TPO: variants seen among roughly 807,000 people sequenced by gnomAD.
The protein encoded by TPO is thyroid microsomal antigen.
Under a neutral mutation model 96.9 loss-of-function variants are expected in TPO, and 78 were observed. The ratio of observed to expected loss-of-function variants is 0.81; its 90% CI spans 0.67 to 0.97. TPO has a LOEUF of 0.97. Among genes scored for constraint, TPO ranks in the 50% least tolerant of loss-of-function variants. The pLI is 0.00. For synonymous variants in TPO, 547 were observed against 538.0 expected (o/e 1.02, Z -0.23); for missense variants, 1,252 against 1,274.8 (o/e 0.98, Z 0.27).
intron 1 of TPO, among the ~76,000 whole-genome samples, chr2:1,400,686 G>A (rs770860499): frequency 1.6e-4 from 24 of 147,360 alleles, no homozygotes; most frequent in African/African-American, 4.8e-4. Context: ...AAATGAAAAC[G>A]TAAATTTCCT....
chr2:1,415,252 T>A (rs1398809207), intron 2 of TPO, among the ~76,000 whole-genome samples: 1 of 141,258 alleles, frequency 7.1e-6, no homozygotes, highest in Non-Finnish European at 1.5e-5. Flanking sequence ...GGCAGGTCCC[T>A]GGGCCTCTGG....
At chr2:1,538,875 ACATC>A (rs1237792269) in intron 15 of TPO, among the ~76,000 whole-genome samples, 1 of 152,218 alleles carries the variant, frequency 6.6e-6, no homozygotes, top group Admixed American at 6.5e-5. Flanking sequence ...TGCGCCTTGC[ACATC>A]CAGCCTTTGG....
At position 1,534,496 on chromosome 2, in the gene TPO, ACG is replaced by A. The variant is rs1558433045; in HGVS notation, c.2619-6096_2619-6095del. 6.3e-3 allele frequency among the ~76,000 whole-genome samples: 133 copies of A among 21,104 alleles called. 5 individuals carry two copies. The highest frequency in any genetic ancestry group is 9.2e-3 in the South Asian group (4 of 436). The allele number at this position is 21,104 out of a possible 152,430, so 13.8% of individuals were successfully genotyped here. ...TCTGTGCAAACTCCCCAAACCCCCC[ACG>A]CAGTGTGCAACTTCCCCAAATCCCT... On this transcript the variant is annotated intron_variant, in intron 15 of 16. Coordinates refer to ENST00000329066, the MANE Select transcript of TPO (RefSeq NM_001206744.2).
chr2:1,491,818 G>C (rs1250693655), intron 10 of TPO, among the ~76,000 whole-genome samples: 1 of 152,212 alleles, frequency 6.6e-6, no homozygotes. Flanking sequence ...AGAGCCTCTT[G>C]ACGGGGCAAA....
intron 10 of TPO, among the ~76,000 whole-genome samples, chr2:1,489,603 A>T (rs1671521444): frequency 6.6e-6 from 1 of 152,182 alleles, no homozygotes; most frequent in Non-Finnish European, 1.5e-5. Context: ...GATCACTAGC[A>T]CCCAGAACCG....
At position 1,477,529 on chromosome 2, in the gene TPO, C is replaced by A; in HGVS notation, c.1263C>A (p.Leu421=). ...LREHNRLAAA[L]KALNAHWSAD... is the part of the protein sequence containing the mutation. ...AGCACAACCGCCTGGCCGCGGCGCTCAAGGCCCTCAATGCGCACTGGAGCG... is the reference window on the plus strand; with the variant it reads ...AGCACAACCGCCTGGCCGCGGCGCTAAAGGCCCTCAATGCGCACTGGAGCG... Residue 421 remains leucine, a synonymous_variant, in exon 8 of 17, where the codon CTC becomes CTA. Transcript: ENST00000329066. 6.5e-7 allele frequency: 1 copy of A among 1,534,206 alleles called. No homozygotes were observed. The highest frequency in any genetic ancestry group is 1.4e-5 in the African/African-American group (1 of 72,336).
chr2:1,431,161 GC>G (rs139166954), intron 3 of TPO, among the ~76,000 whole-genome samples: 2,687 of 152,216 alleles, frequency 0.018, 80 homozygotes, highest in African/African-American at 0.062. Flanking sequence ...GATCACAAGG[GC>G]AAATCCCTGA....
intron 5 of TPO, among the ~76,000 whole-genome samples, chr2:1,436,987 G>A (rs1558283780): frequency 1.3e-5 from 2 of 152,160 alleles, no homozygotes; most frequent in South Asian, 2.1e-4. Flanking sequence ...AGTGGTGACT[G>A]CCCACCTCCT....
intron 15 of TPO, among the ~76,000 whole-genome samples, chr2:1,526,245 T>G (rs1482224750): frequency 6.9e-5 from 2 of 29,138 alleles, no homozygotes; most frequent in East Asian, 1.1e-3. Flanking sequence ...CACCCCCAAG[T>G]CCCCCCCACT....
chr2:1,422,441 T>C (rs1156708969), intron 2 of TPO, among the ~76,000 whole-genome samples: 1 of 69,206 alleles, frequency 1.4e-5, no homozygotes, highest in Non-Finnish European at 2.7e-5. Context: ...GGGACTTCTA[T>C]TTGCTTTTAG....
intron 14 of TPO, among the ~76,000 whole-genome samples, chr2:1,515,832 CTT>C (rs1277962644): frequency 7.9e-5 from 12 of 152,132 alleles, no homozygotes; most frequent in African/African-American, 2.9e-4. Flanking sequence ...AATGTGCTCT[CTT>C]AGCCCCAGAG....
At chr2:1,492,965 C>T (rs1034792682) in intron 10 of TPO, among the ~76,000 whole-genome samples, 2 of 151,966 alleles carry the variant, frequency 1.3e-5, no homozygotes, top group African/African-American at 2.4e-5. Flanking sequence ...GGGACGAAGG[C>T]AGATGTGAGG....
chr2:1,467,175 C>G (rs1044289350), intron 7 of TPO, among the ~76,000 whole-genome samples: 2 of 151,948 alleles, frequency 1.3e-5, no homozygotes, highest in Admixed American at 6.6e-5. Context: ...ACAATCTCGG[C>G]TGATTGCAAC....
At position 1,531,299 on chromosome 2, in the gene TPO, T is replaced by C. The variant is rs141379079; in HGVS notation, c.2619-9295T>C. On this transcript the variant is annotated intron_variant, in intron 15 of 16. Transcript: ENST00000329066. ...CAAATCCCCCCTAATGTCAGCAACT[T>C]CCCTAAATCCCCCAACTGTGTTCAA... Among the ~76,000 whole-genome samples the C allele has an allele frequency of 8.4e-4, 70 of 83,626 alleles. 4 individuals are homozygous for C. Among genetic ancestry groups the C allele is most frequent in the African/African-American group, 3.2e-3 (65 of 20,204 alleles). The allele number at this position is 83,626 out of a possible 152,430, so 54.9% of individuals were successfully genotyped here. A position where few individuals can be genotyped will look rare whatever the true frequency, so the allele number is the denominator to read the frequency against.
chr2:1,497,649 G>A (rs1672491542), intron 13 of TPO, among the ~76,000 whole-genome samples: 1 of 152,144 alleles, frequency 6.6e-6, no homozygotes, highest in Non-Finnish European at 1.5e-5. Context: ...TGGGAGGAAG[G>A]CTGCTCAGAT....
At chr2:1,389,873 A>C (rs1183780149) in intron 1 of TPO, among the ~76,000 whole-genome samples, 1 of 152,212 alleles carries the variant, frequency 6.6e-6, no homozygotes, top group Non-Finnish European at 1.5e-5. Context: ...ATGAGCAACC[A>C]GGACACTTAG....
chr2:1,378,759 T>C (rs1283923305), intron 1 of TPO, among the ~76,000 whole-genome samples: 5 of 152,166 alleles, frequency 3.3e-5, no homozygotes, highest in African/African-American at 9.6e-5. Flanking sequence ...TGTGTGCACC[T>C]GGCGGGGGGT....
intron 10 of TPO, among the ~76,000 whole-genome samples, chr2:1,489,690 G>A (rs2124879207): frequency 9.0e-6 from 1 of 110,594 alleles, no homozygotes; most frequent in East Asian, 2.7e-4. Context: ...GAATGTTTGG[G>A]CAAATAAACG....
Position 1,540,531 on chromosome 2 carries a change from C to G in TPO, c.2619-63C>G, listed in dbSNP as rs1680615995. On this transcript the variant is annotated intron_variant, in intron 15 of 16. Coordinates refer to ENST00000329066, the MANE Select transcript of TPO (RefSeq NM_001206744.2). ...GCCTTGCCGTCGCTCGTGCCGTGCT[C>G]TCTACCCTCCACAGTCACGGTGCCG... The G allele has an allele frequency of 3.1e-6, 5 of 1,605,456 alleles. No individual in the cohort carries two copies. The African/African-American group carries it at 4.0e-5, about 13-fold the overall frequency.
Sources: allele counts gnomAD v4.1 joint callset (sites outside exome capture counted in the v4.1 genomes callset), GRCh38; gene constraint gnomAD v4.1.1; transcripts MANE v1.5; gene names NCBI Gene and HGNC (gene_info 2026-07-23, HGNC 2026-07-21).